SNTG1: variants seen among roughly 807,000 people sequenced by gnomAD.
The protein encoded by SNTG1 is gamma-1-syntrophin.
SNTG1 carries 39 observed loss-of-function variants against 74.7 expected under a neutral mutation model. That is an observed-to-expected ratio of 0.52 (90% confidence interval 0.40 to 0.68). The LOEUF (loss-of-function observed/expected upper bound fraction) is 0.68, where lower values mean the gene tolerates loss of function less well. Ranked by LOEUF, SNTG1 falls within the 30% of genes least tolerant of loss-of-function variation. SNTG1 has a pLI of 0.00. For missense variants in SNTG1, 685 were observed against 609.5 expected (o/e 1.12, Z -1.30); for synonymous variants, 254 against 217.1 (o/e 1.17, Z -1.49).
At chr8:50,287,241 A>G (rs560258833) in intron 2 of SNTG1, among the ~76,000 whole-genome samples, 1 of 152,234 alleles carries the variant, frequency 6.6e-6, no homozygotes, top group South Asian at 2.1e-4. Context: ...GTTAAGCTCT[A>G]TCTCTCAAAA....
intron 1 of SNTG1, among the ~76,000 whole-genome samples, chr8:50,058,978 G>C (rs1311202623): frequency 1.3e-5 from 2 of 152,030 alleles, no homozygotes; most frequent in Non-Finnish European, 2.9e-5. Flanking sequence ...CAAGAATGTT[G>C]TATAAATTCA....
intron 2 of SNTG1, among the ~76,000 whole-genome samples, chr8:50,210,111 T>C (rs1349698185): frequency 6.6e-6 from 1 of 151,940 alleles, no homozygotes; most frequent in East Asian, 1.9e-4. Flanking sequence ...TTTGATCAAG[T>C]GGAAGAAGGA....
chr8:50,657,568 T>C (rs1318247713), intron 14 of SNTG1, among the ~76,000 whole-genome samples: 1 of 152,178 alleles, frequency 6.6e-6, no homozygotes, highest in Non-Finnish European at 1.5e-5. Context: ...TAGCATCTTA[T>C]CTAGCTACTA....
At chr8:50,761,547 G>C (rs1243356418) in intron 18 of SNTG1, among the ~76,000 whole-genome samples, 1 of 151,740 alleles carries the variant, frequency 6.6e-6, no homozygotes, top group Non-Finnish European at 1.5e-5. Context: ...TTAGGCTCAG[G>C]TTACCTAGTT....
chr8:50,440,885 A>C (rs2093351856), intron 5 of SNTG1, among the ~76,000 whole-genome samples: 1 of 152,218 alleles, frequency 6.6e-6, no homozygotes, highest in East Asian at 1.9e-4. Context: ...GTTTTATGTT[A>C]AAAACACATT....
intron 15 of SNTG1, among the ~76,000 whole-genome samples, chr8:50,666,438 A>G (rs1027329414): frequency 6.6e-6 from 1 of 152,102 alleles, no homozygotes; most frequent in Non-Finnish European, 1.5e-5. Flanking sequence ...GAATGCCCTA[A>G]TGTTCTTGTT....
chr8:50,076,590 G>A (rs747629851), intron 1 of SNTG1, among the ~76,000 whole-genome samples: 7 of 150,132 alleles, frequency 4.7e-5, no homozygotes, highest in Non-Finnish European at 1.0e-4. Flanking sequence ...TAAATATTCC[G>A]TCGTAAAAAT....
intron 13 of SNTG1, among the ~76,000 whole-genome samples, chr8:50,641,163 A>G (rs2095070272): frequency 6.6e-6 from 1 of 152,142 alleles, no homozygotes; most frequent in Non-Finnish European, 1.5e-5. Context: ...ATTCATGATC[A>G]CTGACCTGAA....
intron 2 of SNTG1, among the ~76,000 whole-genome samples, chr8:50,197,380 A>G (rs1383242349): frequency 1.3e-5 from 2 of 152,102 alleles, no homozygotes; most frequent in Non-Finnish European, 2.9e-5. Flanking sequence ...ATTGTGCTCT[A>G]ATGCTTTCTC....
At chr8:50,651,267 C>G (rs564972487) in intron 13 of SNTG1, among the ~76,000 whole-genome samples, 1 of 150,170 alleles carries the variant, frequency 6.7e-6, no homozygotes, top group South Asian at 2.1e-4. Context: ...CCTTATCTCT[C>G]ATACTTTCTC....
chr8:50,629,665 G>C (rs1460089525), intron 13 of SNTG1, among the ~76,000 whole-genome samples: 3 of 152,008 alleles, frequency 2.0e-5, no homozygotes, highest in African/African-American at 7.2e-5. Context: ...TGGAGCTTCT[G>C]TTCATAAAAG....
chr8:50,214,661 A>T (rs1483736283), intron 2 of SNTG1, among the ~76,000 whole-genome samples: 1 of 152,090 alleles, frequency 6.6e-6, no homozygotes, highest in Non-Finnish European at 1.5e-5. Context: ...TTCTTTGTGT[A>T]ATGTAATTGG....
intron 18 of SNTG1, among the ~76,000 whole-genome samples, chr8:50,761,137 A>T (rs1000948375): frequency 6.6e-6 from 1 of 152,010 alleles, no homozygotes; most frequent in Non-Finnish European, 1.5e-5. Context: ...GATACCGGCA[A>T]ACCGAATCCA....
At chr8:49,965,996 A>G (rs1196795132) in intron 1 of SNTG1, among the ~76,000 whole-genome samples, 1 of 152,088 alleles carries the variant, frequency 6.6e-6, no homozygotes, top group East Asian at 1.9e-4. Context: ...CTACCCAACT[A>G]AGCTCTGTGC....
chr8:50,342,300 C>T lies in SNTG1; in HGVS notation c.-27-51912C>T, dbSNP rs555761362. Among the ~76,000 whole-genome samples, 13 of 152,068 alleles carry T rather than the reference C, an allele frequency of 8.5e-5. 1 individual carries two copies. Among genetic ancestry groups the T allele is most frequent in the African/African-American group, 3.1e-4 (13 of 41,448 alleles). On this transcript the variant is annotated intron_variant, in intron 2 of 18. Coordinates refer to ENST00000642720, the MANE Select transcript of SNTG1 (RefSeq NM_018967.5). ...TTAAGCACAGTTGTGAAAACATGCC[C>T]TCTTTAGCTTATAAAATACTTATAG...
At chr8:50,510,462 A>G (rs948283367) in intron 9 of SNTG1, among the ~76,000 whole-genome samples, 3 of 151,934 alleles carry the variant, frequency 2.0e-5, no homozygotes, top group South Asian at 2.1e-4. Context: ...CTCTTTTTCT[A>G]TTGATTGGAA....
At chr8:50,734,796 GACATATATATAGATATCTATAT>G in intron 17 of SNTG1, among the ~76,000 whole-genome samples, 1 of 77,084 alleles carries the variant, frequency 1.3e-5, no homozygotes, top group African/African-American at 6.7e-5. Context: ...TATATATATG[GACATATATATAGATATCTATAT>G]ATATGGACAT....
Position 50,792,951 on chromosome 8 carries a change from C to A in SNTG1, c.*122C>A. The A allele has an allele frequency of 3.4e-6, 4 of 1,169,234 alleles. No homozygotes were observed. Among genetic ancestry groups the A allele is most frequent in the African/African-American group, 1.6e-5 (1 of 64,188 alleles). 72.4% of individuals were successfully genotyped at this position (1,169,234 alleles called of 1,614,324 possible). ...CGACAGTGGAGGCAAATCAAAATTT[C>A]GGCAGAAAAAGAAGGTCATGTGGAA... On this transcript the variant is annotated 3_prime_UTR_variant, in exon 19 of 19. Transcript: ENST00000642720.
rs190167822 is a variant in SNTG1, at chr8:50,298,250, T to C, written c.-27-95962T>C. Among the ~76,000 whole-genome samples the C allele has an allele frequency of 2.0e-5, 3 of 152,236 alleles. No homozygotes were observed. In the East Asian group the frequency reaches 5.8e-4, roughly 29 times the overall value. The stretch of plus-strand genomic sequence containing the variant: ...AGTTATCTGCCTAAGTATTTATATT[T>C]CAAGAAGTAATAATACCTGGAAATT... On this transcript the variant is annotated intron_variant, in intron 2 of 18. Coordinates refer to ENST00000642720, the MANE Select transcript of SNTG1 (RefSeq NM_018967.5).
Sources: allele counts gnomAD v4.1 joint callset (sites outside exome capture counted in the v4.1 genomes callset), GRCh38; gene constraint gnomAD v4.1.1; transcripts MANE v1.5; gene names NCBI Gene and HGNC (gene_info 2026-07-23, HGNC 2026-07-21).